TEX29: variants seen among roughly 807,000 people sequenced by gnomAD.
TEX29 encodes the protein testis-expressed protein 29.
A neutral mutation model predicts 18.2 loss-of-function variants in TEX29; 26 were observed. That is an observed-to-expected ratio of 1.43 (90% CI 1.04 to 1.98). The LOEUF is 1.98. TEX29 is among the 30% of genes most tolerant of loss of function. The pLI, the probability that TEX29 is intolerant of heterozygous loss-of-function variation, is 0.00. For synonymous variants in TEX29, 83 were observed against 78.5 expected (o/e 1.06, Z -0.31); for missense variants, 177 against 194.2 (o/e 0.91, Z 0.53).
intron 4 of TEX29, 66 bp from the exon 5 acceptor site, chr13:111,342,690 A>G (rs945585527): frequency 1.7e-5 from 25 of 1,510,670 alleles, no homozygotes; most frequent in Non-Finnish European, 2.2e-5. Context: ...GGTGGGTGGG[A>G]GGGAGGAACT....
intron 2 of TEX29, among the ~76,000 whole-genome samples, chr13:111,323,613 ACT>A (rs547824174): frequency 2.6e-5 from 4 of 151,200 alleles, no homozygotes; most frequent in South Asian, 2.1e-4. Flanking sequence ...ACATATTTGG[ACT>A]CTCTGTGTCC....
intron 3 of TEX29, chr13:111,339,341 C>T (rs1256356754): frequency 2.2e-6 from 1 of 454,988 alleles, no homozygotes; most frequent in Non-Finnish European, 4.4e-6. Flanking sequence ...TTCCAGGGAG[C>T]TGGGGAGCAC....
chr13:111,321,760 TAAAAATAC>T (rs2093665045), intron 2 of TEX29, among the ~76,000 whole-genome samples: 1 of 152,060 alleles, frequency 6.6e-6, no homozygotes, highest in African/African-American at 2.4e-5. Context: ...CCATCTCTAC[TAAAAATAC>T]AAAAATTAGC....
At chr13:111,334,033 T>G (rs931460965) in intron 3 of TEX29, among the ~76,000 whole-genome samples, 3 of 152,220 alleles carry the variant, frequency 2.0e-5, no homozygotes, top group Non-Finnish European at 4.4e-5. Context: ...ATGCTTAAAA[T>G]GGTTGATTTA....
At chr13:111,320,010 A>G (rs569656983), upstream of TEX29, among the ~76,000 whole-genome samples, 10 of 152,228 alleles carry the variant, frequency 6.6e-5, no homozygotes, top group Non-Finnish European at 1.0e-4. Context: ...ACCATGACCC[A>G]TGTGGTTTCA....
upstream of TEX29, among the ~76,000 whole-genome samples, chr13:111,319,770 G>A (rs2093660738): frequency 6.6e-6 from 1 of 152,112 alleles, no homozygotes. Flanking sequence ...TGGGATTACA[G>A]GTGCGCACCA....
upstream of TEX29, among the ~76,000 whole-genome samples, chr13:111,319,806 CAA>C (rs2093660835): frequency 6.6e-6 from 1 of 152,192 alleles, no homozygotes; most frequent in Non-Finnish European, 1.5e-5. Flanking sequence ...TCCTTCAACT[CAA>C]ACCATGAAAA....
chr13:111,319,854 C>T (rs542665036), upstream of TEX29, among the ~76,000 whole-genome samples: 1 of 152,352 alleles, frequency 6.6e-6, no homozygotes, highest in Non-Finnish European at 1.5e-5. Flanking sequence ...TGCCTTCTTC[C>T]TCATGAGTAT....
At chr13:111,333,110 G>A (rs973964959) in intron 3 of TEX29, among the ~76,000 whole-genome samples, 1 of 152,084 alleles carries the variant, frequency 6.6e-6, no homozygotes, top group Non-Finnish European at 1.5e-5. Context: ...AAATCTTAAG[G>A]CTCCTTTGTA....
Position 111,320,842 on chromosome 13 carries a change from T to C in TEX29, c.-34-15T>C. ...CCCCAGGGCCCCGCCCGTGCTGACCTCTCCTGTTTTCCAGGTGTGCTCGGC... is the reference window on the plus strand; with the variant it reads ...CCCCAGGGCCCCGCCCGTGCTGACCCCTCCTGTTTTCCAGGTGTGCTCGGC... On this transcript the variant is annotated splice_polypyrimidine_tract_variant and intron_variant, in intron 1 of 5. Transcript: ENST00000283547. 1 of 1,613,076 alleles carries C rather than the reference T, an allele frequency of 6.2e-7. No homozygotes were observed.
chr13:111,334,573 C>T (rs1385353015), intron 3 of TEX29, among the ~76,000 whole-genome samples: 3 of 152,244 alleles, frequency 2.0e-5, no homozygotes, highest in African/African-American at 7.2e-5. Flanking sequence ...GTCCATGGCC[C>T]TCTAGATTCC....
intron 3 of TEX29, among the ~76,000 whole-genome samples, chr13:111,337,124 A>G (rs2093690657): frequency 6.6e-6 from 1 of 152,144 alleles, no homozygotes; most frequent in Non-Finnish European, 1.5e-5. Flanking sequence ...TTTCAATTCG[A>G]TCGATTCTGT....
chr13:111,342,434 T>C (rs2093697989), intron 4 of TEX29, among the ~76,000 whole-genome samples: 1 of 151,810 alleles, frequency 6.6e-6, no homozygotes, highest in Non-Finnish European at 1.5e-5. Context: ...GGCTCATACT[T>C]GTAATCTCCC....
intron 3 of TEX29, among the ~76,000 whole-genome samples, chr13:111,334,978 G>A (rs2093687605): frequency 6.6e-6 from 1 of 152,172 alleles, no homozygotes; most frequent in African/African-American, 2.4e-5. Flanking sequence ...ATGGGAACAG[G>A]GCTAGATAAA....
In TEX29 at chr13:111,328,253, C is replaced by A. The variant is rs867699163; in HGVS notation, c.129C>A (p.Cys43Ter). The change falls in exon 3 of 6, where the codon TGC becomes TGA. Residue 43 changes from cysteine to a stop codon, truncating the protein, a stop_gained. Transcript: ENST00000283547. LOFTEE classifies it high-confidence loss of function. The part of the protein sequence containing the change: ...VSRDRCQELG[C>*]CFYEGVCYKK... ...GGGACCGATGCCAGGAGCTCGGGTG[C>A]TGCTTCTACGAAGGCGTCTGCTACA... The A allele has an allele frequency of 6.2e-7, 1 of 1,614,006 alleles. No homozygotes were observed.
At position 111,328,203 on chromosome 13, in the gene TEX29, G is replaced by A; in HGVS notation, c.79G>A (p.Asp27Asn). ...TGCAGTGTGTGACGTTCCTCTGTAT[G>A]ACATTTGTGACTACAACGTCTCCAG... ...QFTVCDVPLY[D>N]ICDYNVSRDR... The change falls in exon 3 of 6, where the codon GAC becomes AAC. Residue 27 changes from aspartate to asparagine, a missense_variant. Coordinates refer to ENST00000283547, the MANE Select transcript of TEX29 (RefSeq NM_152324.3). 6.2e-7 allele frequency: 1 copy of A among 1,610,352 alleles called. No individual in the cohort carries two copies. The highest frequency in any genetic ancestry group is 8.5e-7 in the Non-Finnish European group (1 of 1,177,718).
upstream of TEX29, among the ~76,000 whole-genome samples, chr13:111,319,731 G>A (rs1411798070): frequency 6.6e-6 from 1 of 152,092 alleles, no homozygotes; most frequent in Non-Finnish European, 1.5e-5. Flanking sequence ...AGTCTCAAGC[G>A]ATCCTCCCGC....
At chr13:111,324,387 G>C (rs1304819216) in intron 2 of TEX29, among the ~76,000 whole-genome samples, 1 of 152,218 alleles carries the variant, frequency 6.6e-6, no homozygotes, top group African/African-American at 2.4e-5. Flanking sequence ...CTGAGCCTCA[G>C]AAGTGCTGGA....
chr13:111,317,292 G>C (rs963912031), upstream of TEX29, among the ~76,000 whole-genome samples: 1 of 152,136 alleles, frequency 6.6e-6, no homozygotes, highest in African/African-American at 2.4e-5. Flanking sequence ...GGGTCTGCCT[G>C]TGAAGTTGGT....
Sources: gnomAD v4.1 joint callset for allele counts (sites outside exome capture counted in the v4.1 genomes callset) on GRCh38, gnomAD v4.1.1 for gene constraint, MANE v1.5 for transcripts, NCBI Gene and HGNC (gene_info 2026-07-23, HGNC 2026-07-21) for gene names.